DOCK2: variants seen among roughly 807,000 people sequenced by gnomAD.
The protein encoded by DOCK2 is dedicator of cytokinesis 2.
A neutral mutation model predicts 248.9 loss-of-function variants in DOCK2; 87 were observed. The observed-to-expected ratio is 0.35, with a 90% CI of 0.29 to 0.42. DOCK2 has a LOEUF of 0.42. Ranked by LOEUF, DOCK2 falls within the 10% of genes least tolerant of loss-of-function variation. The probability of loss-of-function intolerance (pLI) is 1.00; values close to 1 mark genes in which losing one functional copy is unlikely to be tolerated. For synonymous variants in DOCK2, 805 were observed against 821.6 expected (o/e 0.98, Z 0.35); for missense variants, 1,747 against 2,300.2 (o/e 0.76, Z 4.92).
chr5:169,759,480 T>C (rs1218540756), intron 23 of DOCK2, among the ~76,000 whole-genome samples: 3 of 152,218 alleles, frequency 2.0e-5, no homozygotes, highest in African/African-American at 4.8e-5. Flanking sequence ...GTCATTCTAG[T>C]CTATGTTATT....
chr5:169,943,604 G>T (rs1017694676), intron 27 of DOCK2, among the ~76,000 whole-genome samples: 6 of 152,182 alleles, frequency 3.9e-5, no homozygotes, highest in Admixed American at 3.9e-4. Flanking sequence ...CTCCTGGCTT[G>T]TCTATTATAT....
chr5:169,961,473 G>A (rs1052484675), intron 27 of DOCK2, among the ~76,000 whole-genome samples: 1 of 152,176 alleles, frequency 6.6e-6, no homozygotes, highest in African/African-American at 2.4e-5. Flanking sequence ...AAATTTAAAC[G>A]TGTTCATTTT....
intron 49 of DOCK2, 142 bp downstream of exon 49, chr5:170,079,288 A>C: frequency 8.7e-7 from 1 of 1,155,952 alleles, no homozygotes; most frequent in Non-Finnish European, 1.2e-6. Flanking sequence ...GCGGCACCTG[A>C]GGAGCTGAGA....
At chr5:170,023,450 G>A (rs1019251130) in intron 33 of DOCK2, among the ~76,000 whole-genome samples, 4 of 152,000 alleles carry the variant, frequency 2.6e-5, no homozygotes, top group African/African-American at 7.3e-5. Context: ...CTGCGTTCTC[G>A]GTACTGTTGT....
intron 35 of DOCK2, among the ~76,000 whole-genome samples, chr5:170,035,020 A>G (rs974430522): frequency 6.6e-6 from 1 of 152,234 alleles, no homozygotes; most frequent in South Asian, 2.1e-4. Flanking sequence ...AATGCTCACT[A>G]CGTATTAGTT....
At chr5:169,769,722 C>T (rs1764983008) in intron 25 of DOCK2, among the ~76,000 whole-genome samples, 1 of 152,186 alleles carries the variant, frequency 6.6e-6, no homozygotes. Flanking sequence ...TGGCCCTTGA[C>T]CTCTCTCAAA....
At chr5:169,783,730 C>T (rs1680580) in intron 25 of DOCK2, among the ~76,000 whole-genome samples, 21,494 of 152,010 alleles carry the variant, frequency 0.14, 1,739 homozygotes, top group Non-Finnish European at 0.18. Flanking sequence ...ATAATAATTA[C>T]GATACTAGTT....
At chr5:170,054,729 C>T (rs1757054176) in intron 41 of DOCK2, among the ~76,000 whole-genome samples, 1 of 152,222 alleles carries the variant, frequency 6.6e-6, no homozygotes, top group Non-Finnish European at 1.5e-5. Context: ...AGTCCAGAGT[C>T]TCCACTTCTA....
rs34833916 is a variant in DOCK2 at position 169,925,579 on chromosome 5, T to TAA, written c.2800-57464_2800-57463dup. Among the ~76,000 whole-genome samples the TAA allele has an allele frequency of 1.3e-3, 101 of 80,256 alleles. 3 individuals are homozygous for TAA. Among genetic ancestry groups the TAA allele is most frequent in the East Asian group, 4.7e-3 (14 of 2,960 alleles). The allele number at this position is 80,256 out of a possible 152,430, so 52.7% of individuals were successfully genotyped here. ...TGGGCGACAGAGCAAGACTCTGTCTTAAAAAAAAAAAAAAAAAAAAAAAAA... is the reference window on the plus strand; with the variant it reads ...TGGGCGACAGAGCAAGACTCTGTCTTAAAAAAAAAAAAAAAAAAAAAAAAAAA... On this transcript the variant is annotated intron_variant, in intron 27 of 51. Coordinates refer to ENST00000520908, the MANE Select transcript of DOCK2 (RefSeq NM_004946.3).
chr5:169,654,601 C>A, intron 2 of DOCK2, 115 bp downstream of exon 2: 1 of 1,036,780 alleles, frequency 9.6e-7, no homozygotes, highest in Non-Finnish European at 1.4e-6. Flanking sequence ...TATTTAAAAA[C>A]GTTTTGGTAA....
chr5:169,764,700 C>T lies in DOCK2; in HGVS notation c.2554+3075C>T, dbSNP rs1354196728. Among the ~76,000 whole-genome samples, 1 of 152,120 alleles carries T rather than the reference C, an allele frequency of 6.6e-6. No homozygotes were observed. The highest frequency in any genetic ancestry group is 1.5e-5 in the Non-Finnish European group (1 of 68,030). On this transcript the variant is annotated intron_variant, in intron 25 of 51. Transcript: ENST00000520908. This position sits in a 1 kb window ranked among gnomAD's most constrained non-coding sequence, Gnocchi z 4.3. The stretch of plus-strand genomic sequence containing the variant: ...CAATTTCCGTGCTGACCTTTAAATT[C>T]CTTGCAATAAGGGCATCCCTTAACG...
At chr5:169,859,136 A>G (rs1455530522) in intron 27 of DOCK2, among the ~76,000 whole-genome samples, 3 of 152,162 alleles carry the variant, frequency 2.0e-5, no homozygotes, top group African/African-American at 7.2e-5. Flanking sequence ...CACAGTGGAG[A>G]GGCACGCTGA....
intron 44 of DOCK2, 26 bp downstream of exon 44, chr5:170,057,692 G>A (rs755832670): frequency 1.3e-6 from 2 of 1,577,406 alleles, no homozygotes; most frequent in Non-Finnish European, 1.7e-6. Context: ...TCGTGGCAGG[G>A]CCACCCTTCC....
chr5:169,805,070 G>A (rs769140831), intron 26 of DOCK2, among the ~76,000 whole-genome samples: 7 of 151,950 alleles, frequency 4.6e-5, no homozygotes, highest in Non-Finnish European at 1.0e-4. Flanking sequence ...TATTATTTCT[G>A]TGGTAACATC....
chr5:169,733,187 C>T (rs1185084249), intron 22 of DOCK2, among the ~76,000 whole-genome samples: 2 of 151,796 alleles, frequency 1.3e-5, no homozygotes, highest in Non-Finnish European at 2.9e-5. Context: ...TCCTCATTCC[C>T]TTTTTTCCCC....
intron 44 of DOCK2, 146 bp from the exon 45 acceptor site, chr5:170,067,364 T>C: frequency 1.4e-6 from 1 of 727,426 alleles, no homozygotes; most frequent in Non-Finnish European, 2.2e-6. Context: ...CCCCCAGAGC[T>C]CAGTAATTAC....
intron 27 of DOCK2, among the ~76,000 whole-genome samples, chr5:169,876,106 C>G (rs1382379731): frequency 1.3e-5 from 2 of 152,184 alleles, no homozygotes; most frequent in African/African-American, 2.4e-5. Context: ...CCACGGCACT[C>G]TGACCTTTGC....
chr5:169,932,505 C>G (rs954488881), intron 27 of DOCK2, among the ~76,000 whole-genome samples: 5 of 152,190 alleles, frequency 3.3e-5, no homozygotes, highest in Admixed American at 6.5e-5. Flanking sequence ...TGGGTGTCCT[C>G]ATGGAGCCTC....
chr5:169,886,876 A>C (rs1279358238), intron 27 of DOCK2, among the ~76,000 whole-genome samples: 3 of 152,222 alleles, frequency 2.0e-5, no homozygotes, highest in African/African-American at 4.8e-5. Context: ...GGTTTTCATA[A>C]GAGCTAATGT....
Sources: gnomAD v4.1 joint callset for allele counts (sites outside exome capture counted in the v4.1 genomes callset) on GRCh38, gnomAD v4.1.1 for gene constraint, Gnocchi (gnomAD v3.1) non-coding constraint, MANE v1.5 for transcripts, NCBI Gene and HGNC (gene_info 2026-07-23, HGNC 2026-07-21) for gene names.